VEPH1: variants seen among roughly 807,000 people sequenced by gnomAD.
The protein encoded by VEPH1 is ventricular zone expressed PH domain containing 1.
VEPH1 carries 80 observed loss-of-function variants against 85.2 expected under a neutral mutation model. The observed-to-expected ratio is 0.94, with a 90% CI of 0.78 to 1.13. VEPH1 has a LOEUF of 1.13. Among genes scored for constraint, VEPH1 ranks in the 50% most tolerant of loss-of-function variants. VEPH1 has a pLI of 0.00. For missense variants in VEPH1, 955 were observed against 980.5 expected (o/e 0.97, Z 0.35); for synonymous variants, 297 against 348.0 (o/e 0.85, Z 1.63).
chr3:157,436,857 C>G, intron 4 of VEPH1: 1 of 1,514,496 alleles, frequency 6.6e-7, no homozygotes, highest in Non-Finnish European at 9.0e-7. Flanking sequence ...CTCACTCTCA[C>G]TCTCCTCCGC....
chr3:157,283,932 G>C (rs921045251), intron 12 of VEPH1, among the ~76,000 whole-genome samples: 4 of 152,184 alleles, frequency 2.6e-5, no homozygotes, highest in Admixed American at 6.5e-5. Context: ...TAGGGCAGCT[G>C]GCCCCTGTGT....
chr3:157,264,874 A>G (rs958188956), intron 13 of VEPH1, among the ~76,000 whole-genome samples: 4 of 152,346 alleles, frequency 2.6e-5, no homozygotes, highest in African/African-American at 9.6e-5. Flanking sequence ...CAATTTGAAA[A>G]GAAGAGAAGG....
chr3:157,413,873 A>C lies in VEPH1; in HGVS notation c.906+8T>G, dbSNP rs1731704450. 3.1e-6 allele frequency: 5 copies of C among 1,612,180 alleles called. No homozygotes were observed. The highest frequency in any genetic ancestry group is 4.2e-6 in the Non-Finnish European group (5 of 1,178,810). ...TCAGGGGAATGGAGAGAAAAAAGCCAAACTTACTTCATCCACATGCCCAAC... is the reference window on the plus strand; with the variant it reads ...TCAGGGGAATGGAGAGAAAAAAGCCCAACTTACTTCATCCACATGCCCAAC... On this transcript the variant is annotated splice_region_variant and intron_variant, in intron 6 of 13. Coordinates refer to ENST00000362010, the MANE Select transcript of VEPH1 (RefSeq NM_001167912.2).
At chr3:157,293,359 A>G (rs1577259911) in intron 11 of VEPH1, among the ~76,000 whole-genome samples, 1 of 152,330 alleles carries the variant, frequency 6.6e-6, no homozygotes, top group East Asian at 1.9e-4. Flanking sequence ...ACACATGACT[A>G]TATGAGGCCA....
chr3:157,456,096 G>T (rs1388342004), intron 4 of VEPH1, among the ~76,000 whole-genome samples: 1 of 151,894 alleles, frequency 6.6e-6, no homozygotes, highest in African/African-American at 2.4e-5. Flanking sequence ...ATCTCATTGT[G>T]GTTTTGATTT....
intron 9 of VEPH1, among the ~76,000 whole-genome samples, chr3:157,329,906 C>T (rs572827021): frequency 5.3e-5 from 8 of 152,288 alleles, no homozygotes; most frequent in Admixed American, 5.2e-4. Flanking sequence ...GATGAGAAGG[C>T]AACATTAATT....
chr3:157,301,938 G>A (rs1452785023), intron 11 of VEPH1, among the ~76,000 whole-genome samples: 1 of 152,126 alleles, frequency 6.6e-6, no homozygotes, highest in Non-Finnish European at 1.5e-5. Flanking sequence ...CAATTCCACT[G>A]GGACATCTGG....
At chr3:157,400,867 G>C (rs1222385761) in intron 6 of VEPH1, among the ~76,000 whole-genome samples, 1 of 152,138 alleles carries the variant, frequency 6.6e-6, no homozygotes, top group African/African-American at 2.4e-5. Flanking sequence ...AAAACTAGGG[G>C]CTTGGGAACT....
At chr3:157,381,505 A>C in intron 6 of VEPH1, 129 bp from the exon 7 acceptor site, 1 of 888,926 alleles carries the variant, frequency 1.1e-6, no homozygotes, top group Non-Finnish European at 1.7e-6. Context: ...CCTGATCGAG[A>C]ACAGGAGTTT....
chr3:157,438,050 C>CACAG, intron 4 of VEPH1: 1 of 728,590 alleles, frequency 1.4e-6, no homozygotes, highest in South Asian at 1.8e-5. Context: ...CACACACACA[C>CACAG]ACACACACAC....
chr3:157,471,847 T>A (rs1278348061), intron 2 of VEPH1, among the ~76,000 whole-genome samples: 1 of 152,194 alleles, frequency 6.6e-6, no homozygotes, highest in Non-Finnish European at 1.5e-5. Flanking sequence ...TTCAATGACA[T>A]CCTAAGATTT....
In VEPH1 at chr3:157,391,107, G is replaced by A. The variant is rs1189997938; in HGVS notation, c.907-9731C>T. Among the ~76,000 whole-genome samples, 3 of 152,316 alleles carry A rather than the reference G, an allele frequency of 2.0e-5. No individual in the cohort carries two copies. The East Asian group carries it at 5.8e-4, about 29-fold the overall frequency. ...GTACTTTGTCACTCACACACCCCTT[G>A]CCGTTCCACGCCTGTCTCACCTGTG... On this transcript the variant is annotated intron_variant, in intron 6 of 13. Transcript: ENST00000362010.
chr3:157,389,467 C>A (rs1299372796), intron 6 of VEPH1, among the ~76,000 whole-genome samples: 1 of 152,170 alleles, frequency 6.6e-6, no homozygotes, highest in African/African-American at 2.4e-5. Context: ...CAGCTGGGGA[C>A]AACTGAAGTT....
intron 11 of VEPH1, among the ~76,000 whole-genome samples, chr3:157,301,558 T>C (rs73016300): frequency 0.067 from 10,142 of 152,222 alleles, 497 homozygotes; most frequent in South Asian, 0.19. Context: ...TCTTTACTCG[T>C]TCCTTCTTGT....
chr3:157,319,769 T>G (rs535728910), intron 9 of VEPH1, among the ~76,000 whole-genome samples: 1 of 152,258 alleles, frequency 6.6e-6, no homozygotes, highest in Admixed American at 6.5e-5. Context: ...AAATAAACAT[T>G]GATTAGATTT....
intron 2 of VEPH1, among the ~76,000 whole-genome samples, chr3:157,484,979 A>G (rs1446311590): frequency 6.6e-6 from 1 of 152,154 alleles, no homozygotes; most frequent in Non-Finnish European, 1.5e-5. Flanking sequence ...ATTACTTATT[A>G]TAGTGTAATA....
rs539846481 is a variant in VEPH1 at position 157,289,729 on chromosome 3, A to G, written c.2011-3055T>C. On this transcript the variant is annotated intron_variant, in intron 11 of 13. Coordinates refer to ENST00000362010, the MANE Select transcript of VEPH1 (RefSeq NM_001167912.2). ...GCCCAAGAATTGCTATATGGCTTCT[A>G]TTTTTCTAACAGGAGAACAAAAATA... 7.9e-5 allele frequency among the ~76,000 whole-genome samples: 12 copies of G among 152,212 alleles called. No individual in the cohort carries two copies. The South Asian group carries it at 2.5e-3, about 32-fold the overall frequency.
chr3:157,307,307 C>T (rs1719623549), intron 11 of VEPH1, among the ~76,000 whole-genome samples: 1 of 151,830 alleles, frequency 6.6e-6, no homozygotes, highest in Non-Finnish European at 1.5e-5. Context: ...TTTGCCAAGA[C>T]TTGTATTGTC....
At chr3:157,281,903 C>T (rs961888337) in intron 12 of VEPH1, among the ~76,000 whole-genome samples, 7 of 152,138 alleles carry the variant, frequency 4.6e-5, no homozygotes, top group African/African-American at 1.7e-4. Flanking sequence ...AATGGAAAAG[C>T]TTCATATTCA....
Sources: gnomAD v4.1 joint callset for allele counts (sites outside exome capture counted in the v4.1 genomes callset) on GRCh38, gnomAD v4.1.1 for gene constraint, MANE v1.5 for transcripts, NCBI Gene and HGNC (gene_info 2026-07-23, HGNC 2026-07-21) for gene names.